The following RPS6KA2 variants were observed in gnomAD, a reference collection of about 807,000 sequenced individuals.
RPS6KA2 encodes the protein ribosomal protein S6 kinase A2, also known as ribosomal protein S6 kinase alpha-2.
RPS6KA2 carries 42 observed loss-of-function variants against 91.8 expected under a neutral mutation model. That is an observed-to-expected ratio of 0.46 (90% CI 0.36 to 0.59). The LOEUF (loss-of-function observed/expected upper bound fraction) is 0.59. Among genes scored for constraint, RPS6KA2 ranks in the 20% least tolerant of loss-of-function variants. The pLI is 0.00. For synonymous variants in RPS6KA2, 414 were observed against 393.6 expected (o/e 1.05, Z -0.61); for missense variants, 798 against 978.5 (o/e 0.82, Z 2.46).
At chr6:166,443,992 T>A (rs1779599804) in intron 14 of RPS6KA2, among the ~76,000 whole-genome samples, 1 of 152,196 alleles carries the variant, frequency 6.6e-6, no homozygotes, top group Non-Finnish European at 1.5e-5. Context: ...CCCGTGTTGT[T>A]CAAGGGCCAA....
intron 2 of RPS6KA2, among the ~76,000 whole-genome samples, chr6:166,651,936 G>T (rs1787865709): frequency 1.3e-5 from 2 of 152,280 alleles, no homozygotes; most frequent in South Asian, 4.1e-4. Context: ...CTGACAACGT[G>T]GAGCCGGGAT....
chr6:166,854,476 C>T (rs1274591224), intron 2 of RPS6KA2, among the ~76,000 whole-genome samples: 1 of 105,700 alleles, frequency 9.5e-6, no homozygotes, highest in Non-Finnish European at 2.5e-5. Context: ...GGGCAAGCCT[C>T]GCTCACCTTT....
At chr6:166,625,338 C>CT (rs1383766574) in intron 1 of RPS6KA2, among the ~76,000 whole-genome samples, 102 of 110,254 alleles carry the variant, frequency 9.3e-4, no homozygotes, top group Non-Finnish European at 1.2e-3. Context: ...CCCACCCCCC[C>CT]CCCCGCTTGT....
At chr6:166,745,544 C>T (rs1033553839) in intron 2 of RPS6KA2, among the ~76,000 whole-genome samples, 2 of 152,200 alleles carry the variant, frequency 1.3e-5, no homozygotes, top group Non-Finnish European at 2.9e-5. Context: ...AAGGACCCTC[C>T]CTCCCAATAC....
Position 166,822,907 on chromosome 6 carries a change from T to A in RPS6KA2, c.123+35293A>T, listed in dbSNP as rs187875693. On this transcript the variant is annotated intron_variant, in intron 2 of 21. Transcript: ENST00000503859. ...AATGTTGTGGTTCCTCAGTCATAACTTTTTCTTGGTAGAATGACAAGTTTC... is the reference window on the plus strand; with the variant it reads ...AATGTTGTGGTTCCTCAGTCATAACATTTTCTTGGTAGAATGACAAGTTTC... 2.9e-3 allele frequency among the ~76,000 whole-genome samples: 442 copies of A among 152,368 alleles called. 2 individuals carry two copies. Among genetic ancestry groups the A allele is most frequent in the African/African-American group, 0.01 (422 of 41,594 alleles).
At chr6:166,510,401 G>C in intron 3 of RPS6KA2, 44 bp from the exon 4 acceptor site, 1 of 1,285,262 alleles carries the variant, frequency 7.8e-7, no homozygotes, top group East Asian at 2.4e-5. Flanking sequence ...CAGGAAATAA[G>C]AGTTCTGAGG....
chr6:166,593,733 G>T (rs1785430409), intron 1 of RPS6KA2, among the ~76,000 whole-genome samples: 1 of 151,622 alleles, frequency 6.6e-6, no homozygotes, highest in Admixed American at 6.6e-5. Context: ...AAGACAAATA[G>T]TTCAATTAAA....
intron 2 of RPS6KA2, among the ~76,000 whole-genome samples, chr6:166,759,574 G>GT (rs780005057): frequency 1.3e-5 from 2 of 152,220 alleles, no homozygotes; most frequent in African/African-American, 2.4e-5. Context: ...CTGCTGGTGT[G>GT]TTTCAGCCTT....
At chr6:166,642,829 T>C (rs1044722038) in intron 2 of RPS6KA2, among the ~76,000 whole-genome samples, 1 of 152,260 alleles carries the variant, frequency 6.6e-6, no homozygotes, top group African/African-American at 2.4e-5. Context: ...TTGCTGAGTA[T>C]GTGACGAATG....
chr6:166,440,213 A>C (rs1192517255), intron 14 of RPS6KA2: 4 of 152,202 alleles, frequency 2.6e-5, no homozygotes, highest in African/African-American at 7.2e-5. Context: ...TTGCAGTGGG[A>C]GAGTTGAGAG....
At chr6:166,689,038 G>A (rs750196745) in intron 2 of RPS6KA2, among the ~76,000 whole-genome samples, 2 of 152,250 alleles carry the variant, frequency 1.3e-5, no homozygotes, top group African/African-American at 4.8e-5. Flanking sequence ...GAAACTCCCT[G>A]AGTACAAGGG....
intron 1 of RPS6KA2, among the ~76,000 whole-genome samples, chr6:166,609,338 G>T (rs909472499): frequency 1.3e-5 from 2 of 152,068 alleles, no homozygotes; most frequent in Non-Finnish European, 2.9e-5. Context: ...TACTTTCGGG[G>T]TTGTTACAGA....
At chr6:166,485,263 C>T (rs1158284522) in intron 10 of RPS6KA2, among the ~76,000 whole-genome samples, 1 of 152,190 alleles carries the variant, frequency 6.6e-6, no homozygotes, top group Non-Finnish European at 1.5e-5. Flanking sequence ...TGAAATGAGA[C>T]CAGGGGCTCC....
At chr6:166,539,933 C>T (rs1381193966) in intron 1 of RPS6KA2, among the ~76,000 whole-genome samples, 1 of 152,220 alleles carries the variant, frequency 6.6e-6, no homozygotes, top group Non-Finnish European at 1.5e-5. Context: ...GGCTGAAAAA[C>T]TTCAGAAACT....
At chr6:166,862,147 T>G in exon 1 of RPS6KA2, 1 of 1,614,240 alleles carries the variant, frequency 6.2e-7, no homozygotes, top group Non-Finnish European at 8.5e-7. Flanking sequence ...TTTTCCATAG[T>G]TCCAGCAACT....
intron 2 of RPS6KA2, among the ~76,000 whole-genome samples, chr6:166,775,072 T>A (rs1312727729): frequency 6.6e-6 from 1 of 152,192 alleles, no homozygotes; most frequent in African/African-American, 2.4e-5. Context: ...TTATACTTAA[T>A]TAGGCTACAC....
intron 2 of RPS6KA2, among the ~76,000 whole-genome samples, chr6:166,532,750 G>T (rs1783329041): frequency 6.6e-6 from 1 of 152,150 alleles, no homozygotes; most frequent in South Asian, 2.1e-4. Context: ...TTAGAAAGAG[G>T]CTTCCCTCTT....
chr6:166,458,569 T>C (rs1251849587), intron 12 of RPS6KA2, among the ~76,000 whole-genome samples: 2 of 152,164 alleles, frequency 1.3e-5, no homozygotes, highest in African/African-American at 4.8e-5. Flanking sequence ...GATAAAAGTG[T>C]GGGGCCCTAA....
At chr6:166,823,434 A>AGT (rs56187218) in intron 2 of RPS6KA2, among the ~76,000 whole-genome samples, 4,771 of 148,006 alleles carry the variant, frequency 0.032, 153 homozygotes, top group African/African-American at 0.088. Context: ...TTGGTTTTGC[A>AGT]GTGTGTGTGT....
Sources: gnomAD v4.1 joint callset for allele counts (sites outside exome capture counted in the v4.1 genomes callset) on GRCh38, gnomAD v4.1.1 for gene constraint, MANE v1.5 for transcripts, NCBI Gene and HGNC (gene_info 2026-07-23, HGNC 2026-07-21) for gene names.